Variants in CTNNA2 observed in about 807,000 individuals in gnomAD.
CTNNA2 encodes catenin alpha-2.
A neutral mutation model predicts 101.0 loss-of-function variants in CTNNA2; 42 were observed. The ratio of observed to expected loss-of-function variants is 0.42; its 90% CI spans 0.32 to 0.54. The LOEUF is 0.54. Ranked by LOEUF, CTNNA2 falls within the 20% of genes least tolerant of loss-of-function variation. The pLI is 0.14. For missense variants in CTNNA2, 871 were observed against 1,223.1 expected, an observed-to-expected ratio of 0.71 and a Z score of 4.29; for synonymous variants, 450 against 456.4, an observed-to-expected ratio of 0.99 and a Z score of 0.18.
At chr2:80,555,534 T>G (rs1462346616) in intron 11 of CTNNA2, among the ~76,000 whole-genome samples, 159 bp from the exon 12 acceptor site, 1 of 152,236 alleles carries the variant, frequency 6.6e-6, no homozygotes, top group Non-Finnish European at 1.5e-5. Context: ...AGAACCACTG[T>G]TGTAATTATA....
chr2:80,564,225 A>G (rs1474952985), intron 12 of CTNNA2, among the ~76,000 whole-genome samples: 2 of 152,222 alleles, frequency 1.3e-5, no homozygotes, highest in Non-Finnish European at 2.9e-5. Flanking sequence ...CAGATGCCAA[A>G]TTAGACTGTA....
chr2:79,464,178 T>G (rs1669059), intron 4 of CTNNA2, among the ~76,000 whole-genome samples: 1 of 151,798 alleles, frequency 6.6e-6, no homozygotes, highest in Non-Finnish European at 1.5e-5. Flanking sequence ...TTCCCCACCC[T>G]GTGTCCAAGT....
intron 13 of CTNNA2, chr2:80,576,372 C>CCTTTTTT (rs746150023): frequency 2.6e-4 from 3 of 11,646 alleles, no homozygotes; most frequent in South Asian, 4.5e-3. Context: ...TCCATGAAAC[C>CCTTTTTT]ATTTTTTTTT....
At chr2:79,750,622 G>T (rs1191928832) in intron 3 of CTNNA2, among the ~76,000 whole-genome samples, 1 of 152,200 alleles carries the variant, frequency 6.6e-6, no homozygotes, top group East Asian at 1.9e-4. Context: ...CAGCACTTTG[G>T]GAGGCCAAGG....
chr2:80,263,245 C>T (rs540335102), intron 7 of CTNNA2, among the ~76,000 whole-genome samples: 22 of 152,296 alleles, frequency 1.4e-4, no homozygotes, highest in African/African-American at 4.6e-4. Flanking sequence ...TATAAATCCA[C>T]AGAATATTAG....
intron 2 of CTNNA2, among the ~76,000 whole-genome samples, chr2:79,301,431 C>G (rs1396698223): frequency 6.8e-6 from 1 of 147,778 alleles, no homozygotes; most frequent in African/African-American, 2.5e-5. Context: ...CCCTGACTTT[C>G]TCTGTAAGGA....
chr2:79,963,065 C>T (rs1405767398), intron 7 of CTNNA2, among the ~76,000 whole-genome samples: 7 of 95,484 alleles, frequency 7.3e-5, no homozygotes, highest in African/African-American at 1.6e-4. Context: ...AGCCAGACTC[C>T]GTCTCAAAAA....
At chr2:79,771,783 G>A (rs1312942110) in intron 3 of CTNNA2, among the ~76,000 whole-genome samples, 1 of 152,190 alleles carries the variant, frequency 6.6e-6, no homozygotes, top group African/African-American at 2.4e-5. Flanking sequence ...ACCAGTACCA[G>A]TCCATGGCCT....
rs563067448 is a variant in CTNNA2, at chr2:80,045,483, C to T, written c.1056+135686C>T. Among the ~76,000 whole-genome samples, 7 of 152,180 alleles carry T rather than the reference C, an allele frequency of 4.6e-5. No individual in the cohort carries two copies. In the South Asian group the frequency reaches 1.5e-3, roughly 32 times the overall value. On this transcript the variant is annotated intron_variant, in intron 7 of 18. Transcript: ENST00000402739. The stretch of plus-strand genomic sequence containing the variant: ...CCTTGACAGATGCGTATTAAGTGTC[C>T]ACTACATATCACCAGGATTTTGCAA...
rs558894246 is a variant in CTNNA2, at chr2:79,259,148, C to T, written c.-405-53561C>T. 4.6e-4 allele frequency among the ~76,000 whole-genome samples: 70 copies of T among 152,224 alleles called. 1 individual carries two copies. The South Asian group carries it at 0.014, about 31-fold the overall frequency. On this transcript the variant is annotated intron_variant, in intron 2 of 21. Coordinates refer to the CTNNA2 transcript ENST00000466387. ...TATATCAGGGAGCCCAGTATTTTATCGGCTATTTGTACTTGACTGACTAAT... is the reference window on the plus strand; with the variant it reads ...TATATCAGGGAGCCCAGTATTTTATTGGCTATTTGTACTTGACTGACTAAT...
intron 7 of CTNNA2, among the ~76,000 whole-genome samples, chr2:80,108,634 C>T (rs559998486): frequency 3.9e-5 from 6 of 152,310 alleles, no homozygotes; most frequent in African/African-American, 1.4e-4. Context: ...CTATGATTTG[C>T]ACATTCTAGA....
intron 12 of CTNNA2, among the ~76,000 whole-genome samples, chr2:80,564,831 G>T (rs1693910994): frequency 6.6e-6 from 1 of 152,152 alleles, no homozygotes; most frequent in Middle Eastern, 3.2e-3. Context: ...GATTAAGCCA[G>T]GGTACTGTTG....
intron 4 of CTNNA2, among the ~76,000 whole-genome samples, chr2:79,393,342 G>T (rs963648733): frequency 1.3e-5 from 2 of 152,160 alleles, no homozygotes; most frequent in Non-Finnish European, 2.9e-5. Context: ...GCAAAGTTCT[G>T]CAAACTGTGG....
chr2:80,022,158 A>C (rs1694610762), intron 7 of CTNNA2, among the ~76,000 whole-genome samples: 1 of 152,218 alleles, frequency 6.6e-6, no homozygotes, highest in South Asian at 2.1e-4. Flanking sequence ...ATTGAAAATT[A>C]ATCTTGTGGG....
chr2:79,335,607 A>C (rs1254906347), intron 3 of CTNNA2, among the ~76,000 whole-genome samples: 1 of 152,188 alleles, frequency 6.6e-6, no homozygotes, highest in Admixed American at 6.5e-5. Context: ...TGTAAGACAA[A>C]ATTTCTAGAC....
At chr2:79,799,427 G>T (rs1195197699) in intron 3 of CTNNA2, among the ~76,000 whole-genome samples, 1 of 151,884 alleles carries the variant, frequency 6.6e-6, no homozygotes, top group African/African-American at 2.4e-5. Flanking sequence ...GAGGGTTTTT[G>T]TTTTTTCTGC....
At chr2:80,073,808 T>C (rs1315261642) in intron 7 of CTNNA2, among the ~76,000 whole-genome samples, 2 of 152,044 alleles carry the variant, frequency 1.3e-5, no homozygotes, top group Non-Finnish European at 2.9e-5. Flanking sequence ...TGTTGTTTTA[T>C]AACATTTGCA....
intron 1 of CTNNA2, among the ~76,000 whole-genome samples, chr2:79,559,269 T>C (rs1054678863): frequency 6.6e-6 from 1 of 151,918 alleles, no homozygotes. Flanking sequence ...GCCATTGAAT[T>C]TGAAATCTGG....
In CTNNA2 at chr2:80,017,673, G is replaced by A. The variant is rs1392895930; in HGVS notation, c.1056+107876G>A. Among the ~76,000 whole-genome samples the A allele has an allele frequency of 7.9e-5, 12 of 152,032 alleles. No individual in the cohort carries two copies. In the East Asian group the frequency reaches 2.3e-3, roughly 30 times the overall value. On this transcript the variant is annotated intron_variant, in intron 7 of 18. Transcript: ENST00000402739. ...GTTCTAATGTGCAGGTCTAGGTGGA[G>A]TCAATGTGGTATCCTTGTCTCGGAA...
Sources: gnomAD v4.1 joint callset for allele counts (sites outside exome capture counted in the v4.1 genomes callset) on GRCh38, gnomAD v4.1.1 for gene constraint, MANE v1.5 for transcripts, NCBI Gene and HGNC (gene_info 2026-07-23, HGNC 2026-07-21) for gene names.